The following NOX3 variants were observed in gnomAD, a reference collection of about 807,000 sequenced individuals.
NOX3 encodes the protein NADPH oxidase catalytic subunit-like 3.
Under a neutral mutation model 76.7 loss-of-function variants are expected in NOX3, and 74 were observed. That is an observed-to-expected ratio of 0.96 (90% CI 0.80 to 1.17). NOX3 has a LOEUF of 1.17. Among genes scored for constraint, NOX3 ranks in the 50% most tolerant of loss-of-function variants. The pLI, the probability that NOX3 is intolerant of heterozygous loss-of-function variation, is 0.00. For synonymous variants in NOX3, 263 were observed against 261.1 expected, an observed-to-expected ratio of 1.01 and a Z score of -0.07; for missense variants, 695 against 703.3, an observed-to-expected ratio of 0.99 and a Z score of 0.13.
At chr6:155,406,929 TAATC>T (rs1776472174) in intron 12 of NOX3, among the ~76,000 whole-genome samples, 197 bp downstream of exon 12, 1 of 152,206 alleles carries the variant, frequency 6.6e-6, no homozygotes, top group Non-Finnish European at 1.5e-5. Context: ...AATTGCAACA[TAATC>T]AATAACTGTC....
intron 4 of NOX3, among the ~76,000 whole-genome samples, chr6:155,447,973 G>T (rs1231867302): frequency 6.6e-6 from 1 of 152,142 alleles, no homozygotes; most frequent in South Asian, 2.1e-4. Context: ...TGCTGTTTAT[G>T]TTACAGGGAC....
At chr6:155,399,944 G>T (rs555563077) in intron 12 of NOX3, among the ~76,000 whole-genome samples, 1 of 152,142 alleles carries the variant, frequency 6.6e-6, no homozygotes, top group Admixed American at 6.5e-5. Context: ...GAGCTGGATC[G>T]GGGACAATGT....
chr6:155,409,574 A>G (rs1186971256), intron 11 of NOX3, among the ~76,000 whole-genome samples: 3 of 151,966 alleles, frequency 2.0e-5, no homozygotes, highest in African/African-American at 7.3e-5. Context: ...CCTTCACAAT[A>G]CCTCTTCCAT....
rs754203997 is a variant in NOX3, at chr6:155,407,280, G to T, written c.1456-26C>A. ...CTAAAGTAAATTTGTGGCATTAGATGACATTTAGAAAAAAAAAATAAGACT... is the reference window on the plus strand; with the variant it reads ...CTAAAGTAAATTTGTGGCATTAGATTACATTTAGAAAAAAAAAATAAGACT... On this transcript the variant is annotated intron_variant, in intron 11 of 13. Transcript: ENST00000159060. 4 of 1,583,498 alleles carry T rather than the reference G, an allele frequency of 2.5e-6. No individual in the cohort carries two copies. In the African/African-American group the frequency reaches 4.1e-5, roughly 16 times the overall value.
chr6:155,422,650 A>G (rs774846382), intron 10 of NOX3, 44 bp downstream of exon 10: 46 of 1,591,600 alleles, frequency 2.9e-5, no homozygotes, highest in Non-Finnish European at 3.9e-5. Context: ...AAGGACATTG[A>G]ACCTTTTAAT....
chr6:155,428,931 G>A lies in NOX3; in HGVS notation c.1008C>T (p.His336=), dbSNP rs750760273. The A allele has an allele frequency of 6.2e-7, 1 of 1,613,994 alleles. No homozygotes were observed. The highest frequency in any genetic ancestry group is 8.5e-7 in the Non-Finnish European group (1 of 1,179,968). The change falls in exon 9 of 14, where the codon CAC becomes CAT. Residue 336 remains histidine, a synonymous_variant. Coordinates refer to ENST00000159060, the MANE Select transcript of NOX3 (RefSeq NM_015718.3). ...GGGGGGCAGAGGTAAGGGTGAAGGG[G>A]TGCCACTCCAGCGAAGATATGGCTG... is the stretch of plus-strand genomic sequence containing the variant. ...QCPAISSLEW[H]PFTLTSAPQE... is the part of the protein sequence containing the mutation.
intron 6 of NOX3, among the ~76,000 whole-genome samples, chr6:155,437,932 A>T (rs897126732): frequency 6.6e-6 from 1 of 152,244 alleles, no homozygotes; most frequent in East Asian, 1.9e-4. Context: ...CACTGAGAAG[A>T]TTAAATGAGG....
intron 9 of NOX3, among the ~76,000 whole-genome samples, chr6:155,427,755 G>A (rs1301108664): frequency 6.6e-6 from 1 of 152,186 alleles, no homozygotes; most frequent in African/African-American, 2.4e-5. Flanking sequence ...CCCCAAATGT[G>A]TGCTTTGCAT....
chr6:155,412,300 G>C (rs1171155716), intron 10 of NOX3, among the ~76,000 whole-genome samples: 4 of 151,986 alleles, frequency 2.6e-5, no homozygotes, highest in Non-Finnish European at 1.5e-5. Context: ...CTCCCTCTCT[G>C]CCGGCCAGCT....
At chr6:155,448,008 C>T (rs1582948446) in intron 4 of NOX3, among the ~76,000 whole-genome samples, 2 of 152,312 alleles carry the variant, frequency 1.3e-5, no homozygotes, top group South Asian at 4.1e-4. Flanking sequence ...TGGGATAAAA[C>T]AGTGATATGG....
rs984423239 is a variant in NOX3, at chr6:155,446,893, C to T, written c.341-3475G>A. Among the ~76,000 whole-genome samples the T allele has an allele frequency of 3.9e-5, 6 of 152,196 alleles. No homozygotes were observed. The South Asian group carries it at 1.0e-3, about 26-fold the overall frequency. The stretch of plus-strand genomic sequence containing the variant: ...ACTCCAGACAGGGAGTGAAGCTGTT[C>T]CCAATTTACAGAAATAGAAACTGAG... On this transcript the variant is annotated intron_variant, in intron 4 of 13. Transcript: ENST00000159060.
chr6:155,398,066 C>A (rs190945345), intron 12 of NOX3, among the ~76,000 whole-genome samples: 6 of 152,232 alleles, frequency 3.9e-5, no homozygotes, highest in Non-Finnish European at 7.4e-5. Context: ...TTTTTAGAGA[C>A]CATGTCTTTT....
chr6:155,402,062 T>G (rs1049085750), intron 12 of NOX3, among the ~76,000 whole-genome samples: 3 of 152,328 alleles, frequency 2.0e-5, no homozygotes, highest in East Asian at 1.9e-4. Context: ...AACGGTATTT[T>G]TATTTTCATT....
chr6:155,432,770 G>A (rs1447191548), intron 7 of NOX3, among the ~76,000 whole-genome samples: 2 of 152,136 alleles, frequency 1.3e-5, no homozygotes, highest in South Asian at 4.1e-4. Context: ...CCAGCAATGT[G>A]TTCAGAACAG....
At chr6:155,455,423 C>A (rs1423704120) in intron 1 of NOX3, among the ~76,000 whole-genome samples, 1 of 152,148 alleles carries the variant, frequency 6.6e-6, no homozygotes, top group African/African-American at 2.4e-5. Context: ...AGGAAGAAAT[C>A]TTTAAAAACA....
intron 12 of NOX3, among the ~76,000 whole-genome samples, chr6:155,403,483 A>G (rs1779260975): frequency 6.6e-6 from 1 of 152,318 alleles, no homozygotes; most frequent in African/African-American, 2.4e-5. Context: ...ACTGGGAAGT[A>G]TGCTGTAGAG....
chr6:155,453,193 T>C (rs183423651), intron 4 of NOX3, among the ~76,000 whole-genome samples: 8 of 152,308 alleles, frequency 5.3e-5, no homozygotes, highest in Admixed American at 3.9e-4. Flanking sequence ...CAACTTTTCT[T>C]TGACCAATTG....
chr6:155,420,555 C>A (rs1021900460), intron 10 of NOX3, among the ~76,000 whole-genome samples: 1 of 152,180 alleles, frequency 6.6e-6, no homozygotes, highest in African/African-American at 2.4e-5. Flanking sequence ...TAGATTCAAA[C>A]TCTAGTTCTA....
chr6:155,454,677 T>G, intron 3 of NOX3, 134 bp downstream of exon 3: 1 of 599,766 alleles, frequency 1.7e-6, no homozygotes, highest in Non-Finnish European at 2.9e-6. Flanking sequence ...TTAGCCTTTC[T>G]GTTATCTCTA....
Sources: allele counts gnomAD v4.1 joint callset (sites outside exome capture counted in the v4.1 genomes callset), GRCh38; gene constraint gnomAD v4.1.1; transcripts MANE v1.5; gene names NCBI Gene and HGNC (gene_info 2026-07-23, HGNC 2026-07-21).